Variants in KLF16 observed in about 807,000 individuals in gnomAD.
The protein encoded by KLF16 is KLF transcription factor 16, also known as Krueppel-like factor 16.
In KLF16, 6 loss-of-function variants were observed where a neutral mutation model predicts 6.1. The observed-to-expected ratio is 0.98, with a 90% CI of 0.54 to 1.93. KLF16 has a LOEUF of 1.93. Among genes scored for constraint, KLF16 ranks in the 30% most tolerant of loss-of-function variants. The pLI, the probability that KLF16 is intolerant of heterozygous loss-of-function variation, is 0.01. For synonymous variants in KLF16, 211 were observed against 176.5 expected (o/e 1.20, Z -1.55); for missense variants, 355 against 363.8 (o/e 0.98, Z 0.20).
upstream of KLF16, chr19:1,863,580 G>T: frequency 3.2e-6 from 2 of 626,496 alleles, no homozygotes; most frequent in Non-Finnish European, 3.9e-6. Context: ...CTGCTCGAGT[G>T]CGGGAGGCGG....
chr19:1,869,635 A>T, the KLF16 span, among the ~76,000 whole-genome samples: 1 of 152,186 alleles, frequency 6.6e-6, no homozygotes, highest in Non-Finnish European at 1.5e-5. Context: ...TTAAGATGAG[A>T]TTTCACTGTT....
At chr19:1,859,673 G>A (rs2012023574) in intron 1 of KLF16, among the ~76,000 whole-genome samples, 2 of 152,064 alleles carry the variant, frequency 1.3e-5, no homozygotes, top group Admixed American at 1.3e-4. Context: ...AGCGCTTTCC[G>A]TCATCACTAG....
At chr19:1,856,200 C>T (rs952702529) in intron 1 of KLF16, among the ~76,000 whole-genome samples, 19 of 152,094 alleles carry the variant, frequency 1.2e-4, no homozygotes, top group African/African-American at 4.3e-4. Flanking sequence ...GGGAGGGGCA[C>T]GGCCATGCTC....
At chr19:1,872,879 G>A in the KLF16 span, among the ~76,000 whole-genome samples, 1 of 152,060 alleles carries the variant, frequency 6.6e-6, no homozygotes, top group Non-Finnish European at 1.5e-5. Flanking sequence ...GGCTTGTGCT[G>A]GCCCCTGGGC....
At chr19:1,864,082 A>G (rs1269687405), upstream of KLF16, among the ~76,000 whole-genome samples, 6 of 138,452 alleles carry the variant, frequency 4.3e-5, no homozygotes, top group East Asian at 2.2e-4. Flanking sequence ...TCCCTCCCAG[A>G]GCGCGCCCCG....
the KLF16 span, among the ~76,000 whole-genome samples, chr19:1,874,350 A>G: frequency 6.6e-6 from 1 of 152,220 alleles, no homozygotes; most frequent in African/African-American, 2.4e-5. Flanking sequence ...TACTTGCCAT[A>G]AAGACAGCAC....
At chr19:1,858,907 T>A (rs1237853742) in intron 1 of KLF16, among the ~76,000 whole-genome samples, 1 of 151,774 alleles carries the variant, frequency 6.6e-6, no homozygotes, top group Non-Finnish European at 1.5e-5. Flanking sequence ...TCCCCACCGA[T>A]CTGGGCTGCT....
chr19:1,868,935 A>C, the KLF16 span, among the ~76,000 whole-genome samples: 1 of 151,982 alleles, frequency 6.6e-6, no homozygotes, highest in Non-Finnish European at 1.5e-5. Context: ...GAGCCACCGC[A>C]CCCGGCCGAT....
Position 1,863,501 on chromosome 19 carries a change from G to T in KLF16, c.-4C>A, listed in dbSNP as rs1045584227. ...CGCACGCCACGGCCGCCGACATGCC[G>T]AGCAAGGGCGCGCGGCGCGGCGGGC... On this transcript the variant is annotated 5_prime_UTR_variant, in exon 1 of 2. Transcript: ENST00000250916. The T allele has an allele frequency of 5.0e-6, 5 of 994,992 alleles. No homozygotes were observed. Among genetic ancestry groups the T allele is most frequent in the South Asian group, 4.2e-5 (1 of 23,836 alleles). The allele number at this position is 994,992 out of a possible 1,614,324, so 61.6% of individuals were successfully genotyped here.
At chr19:1,868,860 C>G in the KLF16 span, among the ~76,000 whole-genome samples, 10 of 152,062 alleles carry the variant, frequency 6.6e-5, no homozygotes, top group Non-Finnish European at 1.2e-4. Flanking sequence ...CCGGGCTGGT[C>G]TTGAACCCCT....
At chr19:1,858,831 A>T (rs1047108221) in intron 1 of KLF16, among the ~76,000 whole-genome samples, 14 of 152,120 alleles carry the variant, frequency 9.2e-5, no homozygotes, top group Admixed American at 2.6e-4. Flanking sequence ...TCTGTTCCAG[A>T]AATGGTCTAA....
chr19:1,854,820 C>A (rs912174811), intron 1 of KLF16, 60 bp from the exon 2 acceptor site: 16 of 1,557,430 alleles, frequency 1.0e-5, no homozygotes, highest in Admixed American at 8.8e-5. Context: ...ATGACAGACA[C>A]GTTCCAGCAG....
intron 1 of KLF16, among the ~76,000 whole-genome samples, chr19:1,858,537 G>T (rs1384699657): frequency 6.6e-6 from 1 of 152,212 alleles, no homozygotes; most frequent in Non-Finnish European, 1.5e-5. Context: ...GCCCAGCACA[G>T]GCCTGGTATA....
rs530317352 is a variant in KLF16, at chr19:1,857,612, G to A, written c.458-2852C>T. Among the ~76,000 whole-genome samples the A allele has an allele frequency of 6.6e-6, 1 of 152,260 alleles. No homozygotes were observed. Among genetic ancestry groups the A allele is most frequent in the Admixed American group, 6.5e-5 (1 of 15,298 alleles). On this transcript the variant is annotated intron_variant, in intron 1 of 1. Coordinates refer to ENST00000250916, the MANE Select transcript of KLF16 (RefSeq NM_031918.4). This position sits in a 1 kb window ranked among gnomAD's most constrained non-coding sequence, Gnocchi z 4.7. ...ACAGGACTGCGGGACTGTGCCAAGGGCCCTGGTTCCGACAGGGAAGCCTCA... is the reference window on the plus strand; with the variant it reads ...ACAGGACTGCGGGACTGTGCCAAGGACCCTGGTTCCGACAGGGAAGCCTCA...
upstream of KLF16, among the ~76,000 whole-genome samples, chr19:1,868,194 C>T (rs955232173): frequency 1.8e-4 from 28 of 152,142 alleles, no homozygotes; most frequent in Non-Finnish European, 3.5e-4. Flanking sequence ...AAATAAAACT[C>T]CCCCCACCCC....
At position 1,857,476 on chromosome 19, in the gene KLF16, C is replaced by G. The variant is rs1033695076; in HGVS notation, c.458-2716G>C. 3.9e-5 allele frequency among the ~76,000 whole-genome samples: 6 copies of G among 152,156 alleles called. No individual in the cohort carries two copies. The highest frequency in any genetic ancestry group is 1.4e-4 in the African/African-American group (6 of 41,446). On this transcript the variant is annotated intron_variant, in intron 1 of 1. Coordinates refer to ENST00000250916, the MANE Select transcript of KLF16 (RefSeq NM_031918.4). The surrounding 1 kb of genome is among the most constrained non-coding windows in gnomAD (Gnocchi z 4.7). ...TTGACCCTCTGACTCAGGCTGGGCC[C>G]GGGTGAGCTCAGGACAGCCTCGGAA... is the stretch of plus-strand genomic sequence containing the variant.
chr19:1,864,982 C>A (rs938690690), upstream of KLF16, among the ~76,000 whole-genome samples: 2 of 152,232 alleles, frequency 1.3e-5, no homozygotes, highest in African/African-American at 2.4e-5. Context: ...GAGGCCCTGA[C>A]CCGATTCGGG....
chr19:1,858,527 G>A (rs1399229368), intron 1 of KLF16, among the ~76,000 whole-genome samples: 1 of 152,204 alleles, frequency 6.6e-6, no homozygotes, highest in African/African-American at 2.4e-5. Context: ...CCCCGGCAAT[G>A]CCCAGCACAG....
chr19:1,866,882 G>C (rs1354133132), upstream of KLF16, among the ~76,000 whole-genome samples: 4 of 151,868 alleles, frequency 2.6e-5, no homozygotes, highest in Non-Finnish European at 5.9e-5. Flanking sequence ...CTAAGAGGCA[G>C]CAGACACTTT....
Sources: allele counts gnomAD v4.1 joint callset (sites outside exome capture counted in the v4.1 genomes callset), GRCh38; gene constraint gnomAD v4.1.1; non-coding constraint Gnocchi (gnomAD v3.1); transcripts MANE v1.5; gene names NCBI Gene and HGNC (gene_info 2026-07-23, HGNC 2026-07-21).